Variants in LAMB1 observed in about 807,000 individuals in gnomAD.
LAMB1 encodes the protein laminin subunit beta 1, also known as laminin subunit beta-1.
Under a neutral mutation model 222.3 loss-of-function variants are expected in LAMB1, and 121 were observed. That is an observed-to-expected ratio of 0.54 (90% CI 0.47 to 0.63). The LOEUF (loss-of-function observed/expected upper bound fraction) is 0.63, where lower values mean the gene tolerates loss of function less well. LAMB1 is among the 30% of genes least tolerant of loss of function. The pLI is 0.00. For synonymous variants in LAMB1, 794 were observed against 807.2 expected (o/e 0.98, Z 0.28); for missense variants, 2,172 against 2,240.8 (o/e 0.97, Z 0.62).
At position 107,963,046 on chromosome 7, in the gene LAMB1, C is replaced by G; in HGVS notation, c.1716G>C (p.Glu572Asp). 6.2e-7 allele frequency: 1 copy of G among 1,613,318 alleles called. No individual in the cohort carries two copies. Among genetic ancestry groups the G allele is most frequent in the African/African-American group, 1.3e-5 (1 of 75,012 alleles). Reference protein sequence around the residue: ...ANLGPGVSIVERQYIQDRIPS... With the variant: ...ANLGPGVSIVDRQYIQDRIPS... Reference sequence around the variant, plus strand: ...GAATCCGGTCCTGGATATATTGCCGCTCCACTATGCTAACCCCCTGAGGGC... The same window carrying G: ...GAATCCGGTCCTGGATATATTGCCGGTCCACTATGCTAACCCCCTGAGGGC... The change falls in exon 15 of 34, where the codon GAG becomes GAC. Residue 572 changes from glutamate (E) to aspartate (D), a missense_variant. Glu to Asp is a conservative substitution (Grantham distance 45). Coordinates refer to ENST00000222399, the MANE Select transcript of LAMB1 (RefSeq NM_002291.3).
intron 20 of LAMB1, among the ~76,000 whole-genome samples, chr7:107,958,816 T>G (rs2033431695): frequency 6.6e-6 from 1 of 152,226 alleles, no homozygotes; most frequent in South Asian, 2.1e-4. Context: ...TAGAGTCTCC[T>G]GGAAACTGTA....
intron 21 of LAMB1, among the ~76,000 whole-genome samples, chr7:107,954,017 A>G (rs1459298435): frequency 2.6e-5 from 4 of 152,170 alleles, no homozygotes; most frequent in Non-Finnish European, 5.9e-5. Context: ...CAGTGTTGCA[A>G]CTGCCCCAGA....
intron 21 of LAMB1, 71 bp downstream of exon 21, chr7:107,955,394 TTC>T (rs2033352266): frequency 7.5e-7 from 1 of 1,336,808 alleles, no homozygotes; most frequent in Non-Finnish European, 1.0e-6. Context: ...GCATCTTTTT[TTC>T]TCATTAACAA....
At chr7:108,001,881 G>A (rs766116972) in intron 2 of LAMB1, 148 bp from the exon 3 acceptor site, 3 of 1,483,394 alleles carry the variant, frequency 2.0e-6, no homozygotes, top group Non-Finnish European at 2.7e-6. Context: ...ACAATGGAGA[G>A]ATGAGCGCAG....
chr7:107,980,342 T>C (rs2033947825), intron 8 of LAMB1, among the ~76,000 whole-genome samples: 2 of 152,244 alleles, frequency 1.3e-5, no homozygotes, highest in South Asian at 4.1e-4. Flanking sequence ...CCTTGTTGAC[T>C]AAAATATCTA....
At chr7:107,978,457 A>T (rs2033911434) in intron 8 of LAMB1, among the ~76,000 whole-genome samples, 2 of 112,620 alleles carry the variant, frequency 1.8e-5, no homozygotes, top group Admixed American at 7.9e-5. Context: ...CTTAAAATTA[A>T]AAAAAAAAAA....
chr7:107,935,343 CTTTGTTTTTTTTTTTTT>C lies in LAMB1; in HGVS notation c.4188+55_4188+71del. On this transcript the variant is annotated intron_variant, in intron 27 of 33. Coordinates refer to ENST00000222399, the MANE Select transcript of LAMB1 (RefSeq NM_002291.3). ...TAATGACAAAAGATGGTTTGTTTTT[CTTTGTTTTTTTTTTTTT>C]TTTTTTTTTTTTTGCTTGGCACCAT... 28 of 1,371,550 alleles carry C rather than the reference CTTTGTTTTTTTTTTTTT, an allele frequency of 2.0e-5. No homozygotes were observed. In the African/African-American group the frequency reaches 3.8e-4, roughly 19 times the overall value. 85.0% of individuals were successfully genotyped at this position (1,371,550 alleles called of 1,614,324 possible).
intron 33 of LAMB1, 23 bp from the exon 34 acceptor site, chr7:107,924,110 A>AT (rs2032497683): frequency 4.6e-6 from 7 of 1,529,236 alleles, no homozygotes; most frequent in African/African-American, 4.2e-5. Flanking sequence ...ATATATATAT[A>AT]AAGTCTGAGC....
chr7:107,980,917 T>G (rs1272343135), intron 7 of LAMB1, 106 bp from the exon 8 acceptor site: 1 of 651,556 alleles, frequency 1.5e-6, no homozygotes, highest in East Asian at 2.7e-5. Flanking sequence ...CACATGAAAA[T>G]AGCTTAAGTT....
intron 4 of LAMB1, among the ~76,000 whole-genome samples, chr7:107,996,556 G>C (rs1043434847): frequency 1.3e-5 from 2 of 152,192 alleles, no homozygotes; most frequent in Admixed American, 6.5e-5. Context: ...AGATGATAGG[G>C]TATAGTAACA....
intron 3 of LAMB1, among the ~76,000 whole-genome samples, chr7:108,000,533 A>G (rs2034362299): frequency 6.6e-6 from 1 of 152,224 alleles, no homozygotes; most frequent in Non-Finnish European, 1.5e-5. Context: ...GAGGCCAGAA[A>G]TATCAGCCTT....
rs745945945 is a variant in LAMB1 at position 107,955,460 on chromosome 7, G to C, written c.2854+7C>G. 5.6e-6 allele frequency: 9 copies of C among 1,609,928 alleles called. No individual in the cohort carries two copies. Among genetic ancestry groups the C allele is most frequent in the Non-Finnish European group, 7.6e-6 (9 of 1,177,764 alleles). On this transcript the variant is annotated splice_region_variant and intron_variant, in intron 21 of 33. Coordinates refer to ENST00000222399, the MANE Select transcript of LAMB1 (RefSeq NM_002291.3). The stretch of plus-strand genomic sequence containing the variant: ...TCTTTGCCTCCCAAAGTATGCACAC[G>C]ACTTACCAATGTATCCAGGATCACA...
intron 8 of LAMB1, 79 bp downstream of exon 8, chr7:107,980,530 G>C (rs1233526500): frequency 8.4e-6 from 10 of 1,185,712 alleles, no homozygotes; most frequent in Non-Finnish European, 1.1e-5. Context: ...AATGTAAAAG[G>C]CTTAAGGTAA....
intron 26 of LAMB1, 77 bp from the exon 27 acceptor site, chr7:107,935,733 T>C (rs878940401): frequency 6.8e-7 from 1 of 1,476,954 alleles, no homozygotes; most frequent in South Asian, 1.3e-5. Context: ...CTATATTTGG[T>C]GTCTTCGGGT....
intron 14 of LAMB1, 54 bp downstream of exon 14, chr7:107,964,498 C>T: frequency 6.2e-7 from 1 of 1,607,504 alleles, no homozygotes; most frequent in Non-Finnish European, 8.5e-7. Context: ...CATGTATGTT[C>T]CACTACACCC....
chr7:107,961,117 G>T, intron 17 of LAMB1, 89 bp downstream of exon 17: 1 of 1,491,146 alleles, frequency 6.7e-7, no homozygotes, highest in Non-Finnish European at 9.2e-7. Context: ...GCTGGCCTCA[G>T]CATTACCCCT....
chr7:107,960,947 GCATCC>G (rs1303693189), intron 17 of LAMB1, among the ~76,000 whole-genome samples: 1 of 152,144 alleles, frequency 6.6e-6, no homozygotes, highest in African/African-American at 2.4e-5. Context: ...TCCTGCCTCA[GCATCC>G]CAAAGTGTTG....
Position 107,961,325 on chromosome 7 carries a change from C to T in LAMB1, c.1990G>A (p.Val664Ile), listed in dbSNP as rs373296618. ...AAGCACACCGGCCGAGGAAGGACGA[C>T]ATATCTGCCCCCAAACAAAAAAGAA... ...VVSLSPGSRY[V>I]VLPRPVCFEK... Residue 664 changes from valine to isoleucine, a missense_variant, in exon 17 of 34, where the codon GTC becomes ATC. Val to Ile is a conservative substitution (Grantham distance 29). Transcript: ENST00000222399. 21 of 1,612,812 alleles carry T rather than the reference C, an allele frequency of 1.3e-5. No homozygotes were observed. The East Asian group carries it at 1.6e-4, about 12-fold the overall frequency.
At chr7:107,958,513 G>A (rs1045231218) in intron 20 of LAMB1, among the ~76,000 whole-genome samples, 5 of 152,162 alleles carry the variant, frequency 3.3e-5, no homozygotes, top group South Asian at 2.1e-4. Flanking sequence ...AAATATCTTC[G>A]ATAGGGCGAA....
Sources: allele counts gnomAD v4.1 joint callset (sites outside exome capture counted in the v4.1 genomes callset), GRCh38; gene constraint gnomAD v4.1.1; transcripts MANE v1.5; gene names NCBI Gene and HGNC (gene_info 2026-07-23, HGNC 2026-07-21).